RPP40: variants seen among roughly 807,000 people sequenced by gnomAD.
The protein encoded by RPP40 is ribonuclease P protein subunit p40.
RPP40 carries 30 observed loss-of-function variants against 42.5 expected under a neutral mutation model. The observed-to-expected ratio is 0.71, with a 90% confidence interval of 0.53 to 0.96. The LOEUF is 0.96. RPP40 is among the 40% of genes least tolerant of loss of function. The probability of loss-of-function intolerance (pLI) is 0.00; values close to 1 mark genes in which losing one functional copy is unlikely to be tolerated. For missense variants in RPP40, 426 were observed against 433.5 expected (o/e 0.98, Z 0.15); for synonymous variants, 173 against 164.0 (o/e 1.05, Z -0.42).
intron 2 of RPP40, among the ~76,000 whole-genome samples, chr6:5,001,536 T>C (rs1010364752): frequency 6.6e-6 from 1 of 152,138 alleles, no homozygotes; most frequent in Admixed American, 6.5e-5. Context: ...GTGGAATCCC[T>C]AAAGGCCCTC....
At chr6:4,998,170 T>C (rs1309071175) in intron 5 of RPP40, among the ~76,000 whole-genome samples, 1 of 152,220 alleles carries the variant, frequency 6.6e-6, no homozygotes, top group Non-Finnish European at 1.5e-5. Context: ...ACTTGATCCA[T>C]TATTATCTGG....
At position 5,003,875 on chromosome 6, in the gene RPP40, C is replaced by T. The variant is rs758057722; in HGVS notation, c.123+5G>A. 3.7e-6 allele frequency: 6 copies of T among 1,608,584 alleles called. No individual in the cohort carries two copies. In the East Asian group the frequency reaches 1.1e-4, roughly 30 times the overall value. On this transcript the variant is annotated splice_donor_5th_base_variant and intron_variant, in intron 1 of 7. Coordinates refer to ENST00000380051, the MANE Select transcript of RPP40 (RefSeq NM_006638.4). The stretch of plus-strand genomic sequence containing the variant: ...GCCCGAAAAGCCGAGGACAGCCGGA[C>T]TCACCCTGTAGTTATAGTAGTGCGT...
chr6:5,001,272 T>G, intron 2 of RPP40: 1 of 401,770 alleles, frequency 2.5e-6, no homozygotes, highest in Non-Finnish European at 5.0e-6. Context: ...TTAAATTTGG[T>G]AAGACATTTA....
At chr6:5,003,729 A>C (rs1759660032) in intron 1 of RPP40, 151 bp downstream of exon 1, 2 of 986,416 alleles carry the variant, frequency 2.0e-6, no homozygotes, top group Admixed American at 3.0e-5. Flanking sequence ...AGAGCAGTTA[A>C]GAGACTACAA....
intron 2 of RPP40, 152 bp downstream of exon 2, chr6:5,001,949 A>G (rs1759571501): frequency 1.1e-5 from 7 of 648,204 alleles, no homozygotes; most frequent in Non-Finnish European, 1.8e-5. Flanking sequence ...AAAGAACAGG[A>G]TGAGAATGCG....
chr6:4,994,113 CTT>C (rs891324659), downstream of RPP40, among the ~76,000 whole-genome samples: 3 of 151,646 alleles, frequency 2.0e-5, no homozygotes, highest in Admixed American at 1.3e-4. Context: ...TTTTGCAGCT[CTT>C]GTTTTTTACA....
At position 4,999,861 on chromosome 6, in the gene RPP40, A is replaced by C. The variant is rs749345268; in HGVS notation, c.381T>G (p.Thr127=). The change falls in exon 4 of 8, where the codon ACT becomes ACG. Residue 127 remains threonine (T), a synonymous_variant. Transcript: ENST00000380051. Reference sequence around the variant, plus strand: ...ACTGAGATGGATGACCCTGAAGTCCAGTTTCTTCATAAGTGTCTTTATCCA... The same window carrying C: ...ACTGAGATGGATGACCCTGAAGTCCCGTTTCTTCATAAGTGTCTTTATCCA... ...LSLDKDTYEE[T]GLQGHPSQFS... is the part of the protein sequence containing the mutation. 1.1e-5 allele frequency: 17 copies of C among 1,610,166 alleles called. No individual in the cohort carries two copies. The highest frequency in any genetic ancestry group is 1.4e-5 in the Non-Finnish European group (16 of 1,176,842).
downstream of RPP40, among the ~76,000 whole-genome samples, chr6:4,991,159 A>C (rs1274788780): frequency 6.6e-6 from 1 of 151,940 alleles, no homozygotes. Flanking sequence ...TCCCACTTTG[A>C]CCTTTATTAT....
intron 4 of RPP40, 63 bp from the exon 5 acceptor site, chr6:4,998,904 A>C: frequency 9.3e-7 from 1 of 1,073,714 alleles, no homozygotes; most frequent in Non-Finnish European, 1.3e-6. Context: ...ACCATGGAAA[A>C]AGTGTTACAT....
intron 4 of RPP40, among the ~76,000 whole-genome samples, 180 bp downstream of exon 4, chr6:4,999,629 C>T (rs979216676): frequency 6.6e-5 from 10 of 152,114 alleles, no homozygotes; most frequent in Non-Finnish European, 1.2e-4. Flanking sequence ...GCATCTACAG[C>T]TGAAAAGAAA....
At chr6:4,996,130 C>T (rs1465090219) in intron 6 of RPP40, 45 bp from the exon 7 acceptor site, 4 of 1,606,552 alleles carry the variant, frequency 2.5e-6, no homozygotes, top group South Asian at 1.1e-5. Flanking sequence ...ACATGTATAT[C>T]CATCACATGA....
At chr6:4,992,814 A>G (rs755375572), downstream of RPP40, among the ~76,000 whole-genome samples, 3 of 152,172 alleles carry the variant, frequency 2.0e-5, no homozygotes, top group Non-Finnish European at 2.9e-5. Context: ...TGATGAATCA[A>G]GTTTTTAAAA....
intron 5 of RPP40, 126 bp downstream of exon 5, chr6:4,998,590 T>C (rs1439376888): frequency 3.3e-6 from 2 of 613,120 alleles, no homozygotes; most frequent in Non-Finnish European, 5.2e-6. Context: ...TTAATAATAT[T>C]TTTATATATA....
intron 7 of RPP40, 45 bp from the exon 8 acceptor site, chr6:4,995,321 G>T: frequency 1.4e-6 from 2 of 1,384,218 alleles, no homozygotes; most frequent in East Asian, 2.3e-5. Flanking sequence ...AAGAGAGTTA[G>T]GAATGTCTGC....
At chr6:5,000,378 G>C (rs1052893871) in intron 3 of RPP40, among the ~76,000 whole-genome samples, 185 bp downstream of exon 3, 10 of 152,008 alleles carry the variant, frequency 6.6e-5, no homozygotes, top group African/African-American at 2.4e-4. Flanking sequence ...AGTAGAGGCA[G>C]GGTTTCACCA....
At position 4,996,274 on chromosome 6, in the gene RPP40, G is replaced by C. The variant is rs368564780; in HGVS notation, c.706C>G (p.Arg236Gly). 1.2e-6 allele frequency: 2 copies of C among 1,613,944 alleles called. No homozygotes were observed. Among genetic ancestry groups the C allele is most frequent in the African/African-American group, 1.3e-5 (1 of 74,936 alleles). The change falls in exon 6 of 8, where the codon CGG (arginine) becomes GGG (glycine). Residue 236 changes from arginine (R) to glycine (G), a missense_variant. By Grantham distance (125) the Arg-to-Gly change is moderately radical. Coordinates refer to ENST00000380051, the MANE Select transcript of RPP40 (RefSeq NM_006638.4). Reference sequence around the variant, plus strand: ...AGCCAGTCGAAGAGCTCCAGAGCCCGGCAGGACACCTCTGGCGTTCCCTCC... The same window carrying C: ...AGCCAGTCGAAGAGCTCCAGAGCCCCGCAGGACACCTCTGGCGTTCCCTCC... ...ELEGTPEVSC[R>G]ALELFDWLGA...
chr6:5,002,307 A>T, intron 1 of RPP40, 62 bp from the exon 2 acceptor site: 1 of 1,352,808 alleles, frequency 7.4e-7, no homozygotes. Context: ...CCAGGTTTTT[A>T]GGAATGAAAC....
chr6:5,003,532 A>G (rs6905084), intron 1 of RPP40: 167,761 of 189,314 alleles, frequency 0.89, 74,520 homozygotes, highest in East Asian at 0.99. Flanking sequence ...TGGCTGCCCC[A>G]CAGCCTAACT....
chr6:4,997,360 T>C (rs1366282763), intron 5 of RPP40, among the ~76,000 whole-genome samples: 1 of 152,206 alleles, frequency 6.6e-6, no homozygotes, highest in Non-Finnish European at 1.5e-5. Context: ...GAACAGTGAA[T>C]TCGCTGTCCC....
Sources: allele counts gnomAD v4.1 joint callset (sites outside exome capture counted in the v4.1 genomes callset), GRCh38; gene constraint gnomAD v4.1.1; transcripts MANE v1.5; gene names NCBI Gene and HGNC (gene_info 2026-07-23, HGNC 2026-07-21).